SAMD12: variants seen among roughly 807,000 people sequenced by gnomAD.
SAMD12 encodes sterile alpha motif domain containing 12, also known as sterile alpha motif domain-containing protein 12.
Under a neutral mutation model 15.0 loss-of-function variants are expected in SAMD12, and 9 were observed. The ratio of observed to expected loss-of-function variants is 0.60; its 90% confidence interval spans 0.36 to 1.05. The LOEUF is 1.05. SAMD12 is among the 50% of genes least tolerant of loss of function. The probability of loss-of-function intolerance (pLI) is 0.01; values close to 1 mark genes in which losing one functional copy is unlikely to be tolerated. For synonymous variants in SAMD12, 86 were observed against 90.1 expected (o/e 0.96, Z 0.25); for missense variants, 230 against 234.2 (o/e 0.98, Z 0.12).
chr8:118,495,726 T>C (rs2131026468), intron 2 of SAMD12, among the ~76,000 whole-genome samples: 1 of 152,296 alleles, frequency 6.6e-6, no homozygotes, highest in South Asian at 2.1e-4. Context: ...CTTAGGGTTT[T>C]AGTAAGGATT....
At chr8:118,134,712 G>C in the SAMD12 span, among the ~76,000 whole-genome samples, 1 of 152,270 alleles carries the variant, frequency 6.6e-6, no homozygotes, top group East Asian at 1.9e-4. Context: ...TTCTTGGTTT[G>C]TGGTCAGGCA....
At chr8:118,456,451 G>A (rs532595090) in intron 2 of SAMD12, among the ~76,000 whole-genome samples, 1 of 152,066 alleles carries the variant, frequency 6.6e-6, no homozygotes, top group Non-Finnish European at 1.5e-5. Flanking sequence ...GCACCTAGGG[G>A]GTTAATGAAT....
intron 2 of SAMD12, among the ~76,000 whole-genome samples, chr8:118,491,849 T>C (rs369068531): frequency 6.8e-4 from 104 of 152,294 alleles, no homozygotes; most frequent in African/African-American, 2.3e-3. Flanking sequence ...TATTCTCTTA[T>C]TGATAGATAT....
chr8:118,428,290 G>A (rs1297127527), intron 3 of SAMD12, among the ~76,000 whole-genome samples: 1 of 152,152 alleles, frequency 6.6e-6, no homozygotes, highest in Non-Finnish European at 1.5e-5. Flanking sequence ...TAGAAGCCAA[G>A]TGTGATTGTG....
At chr8:118,342,305 A>AAAT (rs1427691187) in intron 4 of SAMD12, among the ~76,000 whole-genome samples, 1 of 151,596 alleles carries the variant, frequency 6.6e-6, no homozygotes, top group African/African-American at 2.4e-5. Context: ...AAAAAAAAAA[A>AAAT]AGTTTTAAGA....
At chr8:118,512,025 C>A (rs1311526084) in intron 2 of SAMD12, among the ~76,000 whole-genome samples, 1 of 150,710 alleles carries the variant, frequency 6.6e-6, no homozygotes, top group African/African-American at 2.4e-5. Flanking sequence ...AGAAAGGAAA[C>A]TGGAGCACTA....
chr8:118,533,832 G>A (rs1043644445), intron 2 of SAMD12, among the ~76,000 whole-genome samples: 25 of 151,348 alleles, frequency 1.7e-4, no homozygotes, highest in African/African-American at 5.6e-4. Context: ...GAGCCTATGC[G>A]TGTCTCTGCA....
At chr8:118,227,993 C>T (rs1382403288) in intron 4 of SAMD12, among the ~76,000 whole-genome samples, 1 of 152,164 alleles carries the variant, frequency 6.6e-6, no homozygotes, top group African/African-American at 2.4e-5. Context: ...TGCTTATAGG[C>T]AACTGATCTT....
At chr8:118,582,588 C>A (rs912519514) in intron 1 of SAMD12, among the ~76,000 whole-genome samples, 1 of 152,130 alleles carries the variant, frequency 6.6e-6, no homozygotes, top group Non-Finnish European at 1.5e-5. Flanking sequence ...TAGTTCATAC[C>A]TCCCTTTTGG....
At chr8:118,446,895 A>G (rs1400916128) in intron 2 of SAMD12, among the ~76,000 whole-genome samples, 1 of 152,138 alleles carries the variant, frequency 6.6e-6, no homozygotes, top group African/African-American at 2.4e-5. Flanking sequence ...TTCCTGAACT[A>G]CAGAATCATA....
At chr8:118,597,092 G>T (rs1255350572) in intron 1 of SAMD12, among the ~76,000 whole-genome samples, 1 of 152,138 alleles carries the variant, frequency 6.6e-6, no homozygotes, top group Non-Finnish European at 1.5e-5. Context: ...GGGCACAGAG[G>T]GTGTGGGAAG....
chr8:118,452,374 G>C (rs1823111120), intron 2 of SAMD12, among the ~76,000 whole-genome samples: 1 of 152,238 alleles, frequency 6.6e-6, no homozygotes, highest in South Asian at 2.1e-4. Context: ...ATAGTGAGAA[G>C]GGGATAAGCT....
chr8:118,483,648 C>T (rs757593615), intron 2 of SAMD12, among the ~76,000 whole-genome samples: 5 of 152,072 alleles, frequency 3.3e-5, no homozygotes, highest in African/African-American at 4.8e-5. Context: ...CCTACTAATA[C>T]TTTTATATAA....
chr8:118,360,217 T>C (rs1023309455), intron 4 of SAMD12, among the ~76,000 whole-genome samples: 1 of 152,196 alleles, frequency 6.6e-6, no homozygotes, highest in Non-Finnish European at 1.5e-5. Context: ...AAGTAATAAG[T>C]ATTTCAAATA....
chr8:118,492,246 C>T (rs1563892252), intron 2 of SAMD12, among the ~76,000 whole-genome samples: 1 of 151,476 alleles, frequency 6.6e-6, no homozygotes, highest in Non-Finnish European at 1.5e-5. Flanking sequence ...TGCCTATTGG[C>T]CATTTCAATA....
At chr8:118,354,587 T>C (rs987421671) in intron 4 of SAMD12, among the ~76,000 whole-genome samples, 2 of 152,220 alleles carry the variant, frequency 1.3e-5, no homozygotes, top group Non-Finnish European at 2.9e-5. Context: ...CCTCTGGTTA[T>C]TCACATTAAA....
intron 2 of SAMD12, among the ~76,000 whole-genome samples, chr8:118,487,533 C>G (rs1048519170): frequency 7.0e-4 from 107 of 152,318 alleles, no homozygotes; most frequent in African/African-American, 2.4e-3. Flanking sequence ...AAGAAGAAAT[C>G]CACATCTGGA....
chr8:118,358,312 C>A (rs1030628640), intron 4 of SAMD12, among the ~76,000 whole-genome samples: 2 of 152,126 alleles, frequency 1.3e-5, no homozygotes, highest in African/African-American at 4.8e-5. Context: ...TAGAGCTGCT[C>A]TTTGTATTTT....
chr8:118,468,657 T>C (rs10104506), intron 2 of SAMD12, among the ~76,000 whole-genome samples: 33,151 of 151,810 alleles, frequency 0.22, 5,423 homozygotes, highest in African/African-American at 0.46. Flanking sequence ...ATGAGTTCAA[T>C]TGAAATGTGG....
Sources: allele counts gnomAD v4.1 joint callset (sites outside exome capture counted in the v4.1 genomes callset), GRCh38; gene constraint gnomAD v4.1.1; transcripts MANE v1.5; gene names NCBI Gene and HGNC (gene_info 2026-07-23, HGNC 2026-07-21).